The following SLC30A7 variants were observed in gnomAD, a reference collection of about 807,000 sequenced individuals.
The protein encoded by SLC30A7 is solute carrier family 30 member 7, also known as zinc transporter 7.
A neutral mutation model predicts 46.0 loss-of-function variants in SLC30A7; 35 were observed. The observed-to-expected ratio is 0.76, with a 90% confidence interval of 0.58 to 1.01. The LOEUF is 1.01. Ranked by LOEUF, SLC30A7 falls within the 50% of genes least tolerant of loss-of-function variation. The pLI, the probability that SLC30A7 is intolerant of heterozygous loss-of-function variation, is 0.00. For missense variants in SLC30A7, 464 were observed against 451.1 expected (o/e 1.03, Z -0.26); for synonymous variants, 147 against 157.8 (o/e 0.93, Z 0.51).
chr1:100,964,282 C>CCTATAGGTTATATAACCTATAACCT (rs1553242346), intron 9 of SLC30A7, among the ~76,000 whole-genome samples: 1 of 101,686 alleles, frequency 9.8e-6, no homozygotes, highest in African/African-American at 3.3e-5. Flanking sequence ...TAACCTATAA[C>CCTATAGGTTATATAACCTATAACCT]ATATATGTTA....
At chr1:100,973,928 G>A (rs1237584143) in intron 10 of SLC30A7, among the ~76,000 whole-genome samples, 3 of 152,154 alleles carry the variant, frequency 2.0e-5, no homozygotes, top group Non-Finnish European at 2.9e-5. Context: ...TTTGGGGGAA[G>A]TGTTGGGAAG....
chr1:100,902,229 T>G (rs1479743028), intron 2 of SLC30A7, among the ~76,000 whole-genome samples: 1 of 152,102 alleles, frequency 6.6e-6, no homozygotes, highest in Non-Finnish European at 1.5e-5. Context: ...AGGGAGTAGT[T>G]TTTCAGGTAG....
At chr1:100,943,013 C>T (rs1441982334) in intron 8 of SLC30A7, among the ~76,000 whole-genome samples, 1 of 152,154 alleles carries the variant, frequency 6.6e-6, no homozygotes, top group Non-Finnish European at 1.5e-5. Context: ...CTTTAAGGCT[C>T]AAAATGTTTT....
chr1:100,915,945 C>CT (rs1269307647), intron 6 of SLC30A7, among the ~76,000 whole-genome samples: 1 of 151,894 alleles, frequency 6.6e-6, no homozygotes, highest in Admixed American at 6.6e-5. Flanking sequence ...CTGTCTTTTG[C>CT]TTTTTTGGTA....
chr1:100,985,705 GA>G (rs34651937), downstream of SLC30A7, among the ~76,000 whole-genome samples: 12,673 of 146,968 alleles, frequency 0.086, 671 homozygotes, highest in Middle Eastern at 0.19. Flanking sequence ...ACATTTACAT[GA>G]AAAAAAAAAA....
intron 3 of SLC30A7, 90 bp from the exon 4 acceptor site, chr1:100,910,973 T>C: frequency 2.0e-6 from 2 of 994,246 alleles, no homozygotes; most frequent in Admixed American, 1.9e-5. Context: ...CCATGTAATA[T>C]GGTTTGGAAT....
chr1:100,896,791 C>T, intron 2 of SLC30A7, 120 bp downstream of exon 2: 1 of 818,562 alleles, frequency 1.2e-6, no homozygotes, highest in Non-Finnish European at 2.0e-6. Context: ...TTACCTACCT[C>T]TGCTGCTGAG....
intron 8 of SLC30A7, among the ~76,000 whole-genome samples, chr1:100,938,823 C>G (rs1215162914): frequency 2.6e-5 from 4 of 152,178 alleles, no homozygotes; most frequent in Non-Finnish European, 5.9e-5. Flanking sequence ...TCAGGCTTAC[C>G]TGGAATAATG....
At chr1:100,994,258 T>C in the SLC30A7 span, among the ~76,000 whole-genome samples, 1 of 152,196 alleles carries the variant, frequency 6.6e-6, no homozygotes, top group Non-Finnish European at 1.5e-5. Context: ...TTGATTTATA[T>C]ACTAAAGCTG....
chr1:100,972,213 A>C (rs1656197718), intron 10 of SLC30A7: 1 of 254,806 alleles, frequency 3.9e-6, no homozygotes, highest in Non-Finnish European at 8.4e-6. Context: ...TAGAAAACTT[A>C]GTTTGCATTC....
chr1:100,952,198 G>C (rs1254003861), intron 8 of SLC30A7, among the ~76,000 whole-genome samples: 1 of 152,154 alleles, frequency 6.6e-6, no homozygotes, highest in Admixed American at 6.5e-5. Context: ...GCTATTTTAA[G>C]TCACACACAT....
chr1:100,903,851 G>T (rs1226759156), intron 2 of SLC30A7, among the ~76,000 whole-genome samples: 1 of 152,000 alleles, frequency 6.6e-6, no homozygotes, highest in East Asian at 1.9e-4. Flanking sequence ...TTGACTTTTA[G>T]TTTGTAGCAC....
intron 5 of SLC30A7, among the ~76,000 whole-genome samples, chr1:100,912,657 C>T (rs1652183265): frequency 6.6e-6 from 1 of 151,606 alleles, no homozygotes; most frequent in African/African-American, 2.4e-5. Flanking sequence ...AACCCCATCT[C>T]TACAAAAAAA....
chr1:100,994,540 CTTT>C, the SLC30A7 span, among the ~76,000 whole-genome samples: 2 of 142,516 alleles, frequency 1.4e-5, no homozygotes, highest in Non-Finnish European at 3.1e-5. Flanking sequence ...AAACCCATGC[CTTT>C]TTTTTTTTTT....
intron 8 of SLC30A7, among the ~76,000 whole-genome samples, chr1:100,944,406 A>G (rs1654511826): frequency 6.6e-6 from 1 of 152,244 alleles, no homozygotes. Context: ...AAAGAAAAGT[A>G]AGTCAAAAAC....
At chr1:100,920,693 G>C (rs1464442704) in intron 7 of SLC30A7, among the ~76,000 whole-genome samples, 1 of 151,852 alleles carries the variant, frequency 6.6e-6, no homozygotes, top group Non-Finnish European at 1.5e-5. Flanking sequence ...TCTTGAGTTT[G>C]TTTGTATTTA....
At chr1:100,941,573 C>G in intron 8 of SLC30A7, 1 of 570,752 alleles carries the variant, frequency 1.8e-6, no homozygotes. Flanking sequence ...TTCAGTTTTT[C>G]CATACTGTTT....
intron 8 of SLC30A7, among the ~76,000 whole-genome samples, chr1:100,933,808 G>A (rs1346737943): frequency 6.6e-6 from 1 of 152,190 alleles, no homozygotes; most frequent in South Asian, 2.1e-4. Context: ...TCTTAATCCA[G>A]TCTATCATTG....
chr1:100,983,312 C>T (rs1331934510), downstream of SLC30A7, among the ~76,000 whole-genome samples: 1 of 139,318 alleles, frequency 7.2e-6, no homozygotes, highest in African/African-American at 2.7e-5. Context: ...AAAAAAGAAA[C>T]AGCATTTTAA....
Sources: allele counts gnomAD v4.1 joint callset (sites outside exome capture counted in the v4.1 genomes callset), GRCh38; gene constraint gnomAD v4.1.1; transcripts MANE v1.5; gene names NCBI Gene and HGNC (gene_info 2026-07-23, HGNC 2026-07-21).